Variants in CBLB observed in about 807,000 individuals in gnomAD.
CBLB encodes the protein Cbl proto-oncogene B.
A neutral mutation model predicts 104.9 loss-of-function variants in CBLB; 31 were observed. The ratio of observed to expected loss-of-function variants is 0.30; its 90% CI spans 0.22 to 0.40. The LOEUF (loss-of-function observed/expected upper bound fraction) is 0.40. Ranked by LOEUF, CBLB falls within the 10% of genes least tolerant of loss-of-function variation. The pLI, the probability that CBLB is intolerant of heterozygous loss-of-function variation, is 1.00. For synonymous variants in CBLB, 440 were observed against 422.6 expected, an observed-to-expected ratio of 1.04 and a Z score of -0.51; for missense variants, 1,062 against 1,214.6, an observed-to-expected ratio of 0.87 and a Z score of 1.87.
chr3:105,710,037 A>T (rs901264796), intron 10 of CBLB, among the ~76,000 whole-genome samples: 37 of 152,054 alleles, frequency 2.4e-4, no homozygotes, highest in African/African-American at 7.2e-4. Context: ...TTGGGTCACT[A>T]GCTTTTTACA....
At chr3:105,712,268 GTTCTC>G (rs2071221869) in intron 10 of CBLB, among the ~76,000 whole-genome samples, 1 of 151,930 alleles carries the variant, frequency 6.6e-6, no homozygotes, top group African/African-American at 2.4e-5. Flanking sequence ...TAAATTTATG[GTTCTC>G]TTCTCTTTAT....
intron 4 of CBLB, among the ~76,000 whole-genome samples, chr3:105,759,059 T>A (rs1163838693): frequency 6.6e-6 from 1 of 152,024 alleles, no homozygotes; most frequent in East Asian, 1.9e-4. Context: ...AAGAATGAGG[T>A]ATACAAACAA....
intron 4 of CBLB, among the ~76,000 whole-genome samples, chr3:105,768,577 G>A (rs1037776028): frequency 1.3e-5 from 2 of 152,182 alleles, no homozygotes; most frequent in Non-Finnish European, 2.9e-5. Flanking sequence ...TGAAAATGAG[G>A]CTAGCATATG....
At chr3:105,741,036 A>G (rs1460279766) in intron 6 of CBLB, among the ~76,000 whole-genome samples, 1 of 151,108 alleles carries the variant, frequency 6.6e-6, no homozygotes, top group Admixed American at 6.6e-5. Flanking sequence ...ACAAAAACTG[A>G]GCCAGTTTCT....
At chr3:105,690,536 G>A (rs1298474497) in intron 13 of CBLB, among the ~76,000 whole-genome samples, 1 of 152,088 alleles carries the variant, frequency 6.6e-6, no homozygotes, top group Non-Finnish European at 1.5e-5. Flanking sequence ...TTAAAAATAA[G>A]ACAAAGGCTG....
At chr3:105,789,495 A>C (rs2081394925) in intron 3 of CBLB, among the ~76,000 whole-genome samples, 1 of 152,232 alleles carries the variant, frequency 6.6e-6, no homozygotes, top group African/African-American at 2.4e-5. Context: ...GAAGGAATTT[A>C]CTGCAATTAA....
chr3:105,753,063 T>C (rs1021740077), intron 4 of CBLB, among the ~76,000 whole-genome samples: 1 of 152,126 alleles, frequency 6.6e-6, no homozygotes, highest in Non-Finnish European at 1.5e-5. Context: ...GTGGGGTATG[T>C]AAGGACAATG....
intron 10 of CBLB, among the ~76,000 whole-genome samples, chr3:105,704,992 CA>C (rs1312640075): frequency 1.3e-5 from 2 of 152,044 alleles, no homozygotes; most frequent in Admixed American, 1.3e-4. Context: ...TACAGTTAAT[CA>C]AGTAGCCTTA....
At chr3:105,682,160 T>C (rs1018332329) in intron 14 of CBLB, 2 of 250,626 alleles carry the variant, frequency 8.0e-6, no homozygotes, top group African/African-American at 4.5e-5. Flanking sequence ...AAAAGATGTA[T>C]GTGCCAAGGC....
Position 105,814,288 on chromosome 3 carries a change from A to G in CBLB, c.420-37746T>C, listed in dbSNP as rs184189865. On this transcript the variant is annotated intron_variant, in intron 3 of 18. Transcript: ENST00000394030. ...ATAAAACTAACAACATAGAACCCAG[A>G]TAAGAGGATTTATCAATATACCTAA... Among the ~76,000 whole-genome samples, 87 of 152,324 alleles carry G rather than the reference A, an allele frequency of 5.7e-4. 1 individual carries two copies. In the East Asian group the frequency reaches 0.013, roughly 22 times the overall value.
intron 18 of CBLB, among the ~76,000 whole-genome samples, chr3:105,667,679 T>C (rs2064624507): frequency 6.6e-6 from 1 of 152,216 alleles, no homozygotes; most frequent in African/African-American, 2.4e-5. Flanking sequence ...ACATACTTTT[T>C]AGATAAGAAA....
rs144803916 is a variant in CBLB, at chr3:105,688,991, C to G, written c.2055-3525G>C. Reference sequence around the variant, plus strand: ...AACCTCATGGTTTGCTCCCTTACTTCCTTCAAGTTTCTGTTCAAATATTAG... The same window carrying G: ...AACCTCATGGTTTGCTCCCTTACTTGCTTCAAGTTTCTGTTCAAATATTAG... On this transcript the variant is annotated intron_variant, in intron 13 of 18. Coordinates refer to ENST00000394030, the MANE Select transcript of CBLB (RefSeq NM_170662.5). 2.5e-4 allele frequency among the ~76,000 whole-genome samples: 38 copies of G among 152,178 alleles called. 1 individual carries two copies. In the East Asian group the frequency reaches 7.3e-3, roughly 29 times the overall value.
chr3:105,730,949 T>G (rs9876767), intron 9 of CBLB, among the ~76,000 whole-genome samples: 38,565 of 152,054 alleles, frequency 0.25, 5,116 homozygotes, highest in Non-Finnish European at 0.28. Context: ...CTTCCTCAAT[T>G]TATAAAAGTA....
chr3:105,726,218 T>C (rs528251678), intron 9 of CBLB, among the ~76,000 whole-genome samples: 37 of 152,344 alleles, frequency 2.4e-4, no homozygotes, highest in African/African-American at 8.4e-4. Flanking sequence ...GACAACTATA[T>C]ACATTTTCCC....
chr3:105,850,609 T>C (rs564153730), intron 3 of CBLB, among the ~76,000 whole-genome samples: 1 of 152,338 alleles, frequency 6.6e-6, no homozygotes, highest in African/African-American at 2.4e-5. Context: ...TTTTCCTTAT[T>C]TTGTTTAAGA....
chr3:105,735,900 C>T (rs562741817), intron 8 of CBLB, among the ~76,000 whole-genome samples: 1 of 152,196 alleles, frequency 6.6e-6, no homozygotes, highest in East Asian at 1.9e-4. Context: ...GAGCCGAGAT[C>T]GCGTCACTGC....
At chr3:105,733,934 A>C in intron 9 of CBLB, 75 bp downstream of exon 9, 7 of 1,407,636 alleles carry the variant, frequency 5.0e-6, no homozygotes, top group Non-Finnish European at 7.0e-6. Context: ...TTACTTCCTA[A>C]ACCATTAAGA....
chr3:105,743,965 A>G (rs1395435637), intron 6 of CBLB, among the ~76,000 whole-genome samples: 1 of 152,110 alleles, frequency 6.6e-6, no homozygotes, highest in Non-Finnish European at 1.5e-5. Flanking sequence ...CTCAGAGGAC[A>G]TTATTCTAGT....
intron 2 of CBLB, 121 bp from the exon 3 acceptor site, chr3:105,853,785 A>C: frequency 1.5e-6 from 1 of 684,478 alleles, no homozygotes; most frequent in South Asian, 1.9e-5. Context: ...ATCTTAACTT[A>C]CTATCTCCAA....
Sources: allele counts gnomAD v4.1 joint callset (sites outside exome capture counted in the v4.1 genomes callset), GRCh38; gene constraint gnomAD v4.1.1; transcripts MANE v1.5; gene names NCBI Gene and HGNC (gene_info 2026-07-23, HGNC 2026-07-21).